The following FGD4 variants were observed in gnomAD, a reference collection of about 807,000 sequenced individuals.
FGD4 encodes the protein FYVE, RhoGEF and PH domain containing 4.
A neutral mutation model predicts 102.0 loss-of-function variants in FGD4; 42 were observed. The observed-to-expected ratio is 0.41, with a 90% confidence interval of 0.32 to 0.53. The LOEUF is 0.53. Ranked by LOEUF, FGD4 falls within the 20% of genes least tolerant of loss-of-function variation. The pLI, the probability that FGD4 is intolerant of heterozygous loss-of-function variation, is 0.21. For missense variants in FGD4, 902 were observed against 1,078.2 expected, an observed-to-expected ratio of 0.84 and a Z score of 2.29; for synonymous variants, 380 against 375.7, an observed-to-expected ratio of 1.01 and a Z score of -0.13.
Position 32,531,875 on chromosome 12 carries a change from G to A in FGD4, c.167-32262G>A, listed in dbSNP as rs1306214775. Among the ~76,000 whole-genome samples the A allele has an allele frequency of 2.6e-5, 4 of 152,276 alleles. No individual in the cohort carries two copies. In the East Asian group the frequency reaches 7.7e-4, roughly 29 times the overall value. On this transcript the variant is annotated intron_variant, in intron 1 of 16. Coordinates refer to ENST00000534526, the MANE Select transcript of FGD4 (RefSeq NM_001370298.3). Reference sequence around the variant, plus strand: ...TAGCCTAGAATTTAGTGTTAAGTTTGTGGTAGATGCTGCAGATTATTACAG... The same window carrying A: ...TAGCCTAGAATTTAGTGTTAAGTTTATGGTAGATGCTGCAGATTATTACAG...
intron 4 of FGD4, among the ~76,000 whole-genome samples, chr12:32,587,097 G>C (rs1346912003): frequency 6.6e-6 from 1 of 150,738 alleles, no homozygotes; most frequent in African/African-American, 2.4e-5. Context: ...GGCTGAGGCA[G>C]GCGAATTGCT....
chr12:32,566,520 G>T (rs147255710), intron 2 of FGD4, among the ~76,000 whole-genome samples: 1 of 152,108 alleles, frequency 6.6e-6, no homozygotes, highest in East Asian at 1.9e-4. Flanking sequence ...CAATAACACT[G>T]CTATATTGCT....
In FGD4 at chr12:32,564,226, G is replaced by C; in HGVS notation, c.256G>C (p.Glu86Gln). 1 of 1,536,122 alleles carries C rather than the reference G, an allele frequency of 6.5e-7. No homozygotes were observed. The highest frequency in any genetic ancestry group is 8.7e-7 in the Non-Finnish European group (1 of 1,146,892). The change falls in exon 2 of 17, where the codon GAG becomes CAG. Residue 86 changes from glutamate to glutamine, a missense_variant. Physicochemically the swap from Glu to Gln is conservative, Grantham distance 29. This residue lies in a region of FGD4 where 443 missense variants were observed against 459.2 expected (regional missense o/e 0.96). Coordinates refer to ENST00000534526, the MANE Select transcript of FGD4 (RefSeq NM_001370298.3). ...TLVGENVSEE[E>Q]AQGINGNRPA... ...GGTTGGTGAGAATGTATCTGAAGAA[G>C]AGGCTCAGGGAATAAATGGGAACAG...
chr12:32,603,062 C>T (rs1948529169), intron 7 of FGD4, among the ~76,000 whole-genome samples: 1 of 152,144 alleles, frequency 6.6e-6, no homozygotes, highest in Non-Finnish European at 1.5e-5. Flanking sequence ...AAAATGTAGA[C>T]ACTTTGTTCC....
intron 4 of FGD4, among the ~76,000 whole-genome samples, chr12:32,589,494 T>G (rs1235265532): frequency 1.3e-5 from 2 of 152,244 alleles, no homozygotes; most frequent in East Asian, 3.8e-4. Flanking sequence ...TGAGATACTT[T>G]GATGACTAAG....
At chr12:32,585,170 C>G (rs1491000273) in intron 4 of FGD4, among the ~76,000 whole-genome samples, 1 of 148,414 alleles carries the variant, frequency 6.7e-6, no homozygotes, top group East Asian at 2.0e-4. Flanking sequence ...AGCTGAGATC[C>G]CACCACAGCG....
chr12:32,509,343 A>T (rs1161259802), intron 1 of FGD4, among the ~76,000 whole-genome samples: 1 of 151,350 alleles, frequency 6.6e-6, no homozygotes, highest in Non-Finnish European at 1.5e-5. Flanking sequence ...CAGAAATAAG[A>T]CTCTAAAGAG....
At chr12:32,566,810 G>C (rs764551334) in intron 2 of FGD4, among the ~76,000 whole-genome samples, 1 of 152,162 alleles carries the variant, frequency 6.6e-6, no homozygotes, top group Non-Finnish European at 1.5e-5. Flanking sequence ...TATCACCCCC[G>C]ACACCTTTGT....
intron 1 of FGD4, among the ~76,000 whole-genome samples, chr12:32,461,868 G>A (rs1329851912): frequency 2.0e-5 from 3 of 148,822 alleles, no homozygotes; most frequent in East Asian, 4.1e-4. Context: ...CTGGGATTAC[G>A]GGTGCCCGCC....
intron 1 of FGD4, among the ~76,000 whole-genome samples, chr12:32,528,179 C>G (rs1016961795): frequency 2.6e-5 from 4 of 152,060 alleles, no homozygotes; most frequent in Non-Finnish European, 5.9e-5. Flanking sequence ...TCAAGCAATC[C>G]TCCCGCTTCA....
At position 32,470,463 on chromosome 12, in the gene FGD4, CTTTTTTT is replaced by C. The variant is rs551854980; in HGVS notation, c.166+70516_166+70522del. 3.1e-4 allele frequency among the ~76,000 whole-genome samples: 40 copies of C among 130,846 alleles called. 1 individual carries two copies. The East Asian group carries it at 3.3e-3, about 11-fold the overall frequency. 85.8% of individuals were successfully genotyped at this position (130,846 alleles called of 152,430 possible). A position where few individuals can be genotyped will look rare whatever the true frequency, so the allele number is the denominator to read the frequency against. ...CTTCGAAGTTTTCTTTTTTCTTTTT[CTTTTTTT>C]TTTTTTTTTTTGAGTTGCAGTCTTG... On this transcript the variant is annotated intron_variant, in intron 1 of 16. Coordinates refer to ENST00000534526, the MANE Select transcript of FGD4 (RefSeq NM_001370298.3).
chr12:32,610,443 A>G (rs151305152), intron 8 of FGD4, among the ~76,000 whole-genome samples: 278 of 152,332 alleles, frequency 1.8e-3, no homozygotes, highest in African/African-American at 6.2e-3. Context: ...GAGGGAGACA[A>G]AATAAGTTGG....
At chr12:32,625,622 C>G in intron 13 of FGD4, 32 bp from the exon 14 acceptor site, 1 of 1,606,920 alleles carries the variant, frequency 6.2e-7, no homozygotes, top group South Asian at 1.1e-5. Flanking sequence ...TAGTTTTTTT[C>G]TATTAAAATT....
chr12:32,638,780 G>A lies in FGD4; in HGVS notation c.2439G>A (p.Met813Ile). 1 of 1,614,144 alleles carries A rather than the reference G, an allele frequency of 6.2e-7. No homozygotes were observed. The highest frequency in any genetic ancestry group is 8.5e-7 in the Non-Finnish European group (1 of 1,179,990). Reference sequence around the variant, plus strand: ...AGCAAGACCCTCTTGTGCTGTACATGTATGGTGCCCCCCAGGTATCTAAAC... The same window carrying A: ...AGCAAGACCCTCTTGTGCTGTACATATATGGTGCCCCCCAGGTATCTAAAC... ...IPKQDPLVLYMYGAPQDVRAQ... is the reference protein window; with the variant it reads ...IPKQDPLVLYIYGAPQDVRAQ... The change falls in exon 16 of 17, where the codon ATG becomes ATA. Residue 813 changes from methionine to isoleucine, a missense_variant. Physicochemically the swap from Met to Ile is conservative, Grantham distance 10 (BLOSUM62 1). Coordinates refer to ENST00000534526, the MANE Select transcript of FGD4 (RefSeq NM_001370298.3).
chr12:32,534,580 T>A, intron 1 of FGD4: 1 of 822,558 alleles, frequency 1.2e-6, no homozygotes, highest in Non-Finnish European at 1.7e-6. Context: ...CCGAGGGATG[T>A]AAAAGTGGCA....
intron 1 of FGD4, among the ~76,000 whole-genome samples, chr12:32,480,372 T>C (rs564345715): frequency 2.6e-5 from 4 of 151,558 alleles, no homozygotes; most frequent in East Asian, 2.0e-4. Context: ...CCGTGTTAGC[T>C]AGGATGGTCT....
chr12:32,605,970 T>A (rs978705951), intron 7 of FGD4, among the ~76,000 whole-genome samples: 1 of 152,208 alleles, frequency 6.6e-6, no homozygotes, highest in African/African-American at 2.4e-5. Flanking sequence ...TATATTATGA[T>A]GAAATGACAT....
chr12:32,556,235 AG>A (rs1944109082), intron 1 of FGD4, among the ~76,000 whole-genome samples: 1 of 152,180 alleles, frequency 6.6e-6, no homozygotes, highest in African/African-American at 2.4e-5. Context: ...TGGTTAAACA[AG>A]GGGTATGCTT....
At chr12:32,570,467 G>A (rs1021463311) in intron 2 of FGD4, among the ~76,000 whole-genome samples, 1 of 151,082 alleles carries the variant, frequency 6.6e-6, no homozygotes, top group Non-Finnish European at 1.5e-5. Context: ...TTTTTTTGAG[G>A]CAGGCTGTCT....
Sources: allele counts gnomAD v4.1 joint callset (sites outside exome capture counted in the v4.1 genomes callset), GRCh38; gene constraint gnomAD v4.1.1; regional missense constraint gnomAD v4.1.1; transcripts MANE v1.5; gene names NCBI Gene and HGNC (gene_info 2026-07-23, HGNC 2026-07-21).